The following ELP4 variants were observed in gnomAD, a reference collection of about 807,000 sequenced individuals.
ELP4 encodes elongator acetyltransferase complex subunit 4.
ELP4 carries 51 observed loss-of-function variants against 48.9 expected under a neutral mutation model. The observed-to-expected ratio is 1.04, with a 90% CI of 0.83 to 1.32. The LOEUF (loss-of-function observed/expected upper bound fraction) is 1.32, where lower values mean the gene tolerates loss of function less well. Ranked by LOEUF, ELP4 falls within the 40% of genes most tolerant of loss-of-function variation. ELP4 has a pLI of 0.00. For synonymous variants in ELP4, 210 were observed against 189.2 expected (o/e 1.11, Z -0.90); for missense variants, 519 against 514.6 (o/e 1.01, Z -0.08).
chr11:31,593,445 T>C (rs764489149), intron 3 of ELP4, among the ~76,000 whole-genome samples: 1 of 152,102 alleles, frequency 6.6e-6, no homozygotes, highest in Non-Finnish European at 1.5e-5. Context: ...AGTTTTGTCA[T>C]GTTGCCCAAA....
At chr11:31,608,192 A>C (rs1283983769) in intron 5 of ELP4, among the ~76,000 whole-genome samples, 1 of 151,954 alleles carries the variant, frequency 6.6e-6, no homozygotes, top group Non-Finnish European at 1.5e-5. Flanking sequence ...ATGGTAAAGA[A>C]AGCATCCTTT....
intron 7 of ELP4, among the ~76,000 whole-genome samples, chr11:31,643,945 T>C (rs1270399824): frequency 1.3e-5 from 2 of 151,872 alleles, no homozygotes; most frequent in Non-Finnish European, 2.9e-5. Context: ...AATTAAATTA[T>C]GTTGCAACAG....
At chr11:31,590,605 G>C (rs983685737) in intron 3 of ELP4, among the ~76,000 whole-genome samples, 1 of 152,138 alleles carries the variant, frequency 6.6e-6, no homozygotes, top group Non-Finnish European at 1.5e-5. Flanking sequence ...AGAAATGCCT[G>C]GGTAATTTAT....
intron 9 of ELP4, among the ~76,000 whole-genome samples, chr11:31,711,517 G>T (rs540456575): frequency 6.6e-6 from 1 of 152,120 alleles, no homozygotes; most frequent in Non-Finnish European, 1.5e-5. Flanking sequence ...TTAAGAAAAT[G>T]CCACCTTAAA....
rs752746233 is a variant in ELP4, at chr11:31,790,293, G to T, written c.*6769G>T. On this transcript the variant is annotated 3_prime_UTR_variant, in exon 10 of 10. Coordinates refer to ENST00000640961, the MANE Select transcript of ELP4 (RefSeq NM_019040.5). ...AAATCCTCTGTTTGTTTGCATGTTTGGAACTTTTACAATAAAGCTGTCTCT... is the reference window on the plus strand; with the variant it reads ...AAATCCTCTGTTTGTTTGCATGTTTTGAACTTTTACAATAAAGCTGTCTCT... The T allele has an allele frequency of 6.8e-6, 4 of 592,192 alleles. No individual in the cohort carries two copies. Among genetic ancestry groups the T allele is most frequent in the African/African-American group, 1.9e-5 (1 of 52,728 alleles). The allele number at this position is 592,192 out of a possible 1,614,324, so 36.7% of individuals were successfully genotyped here. A position where few individuals can be genotyped will look rare whatever the true frequency, so the allele number is the denominator to read the frequency against.
chr11:31,698,494 C>T (rs1946457241), intron 9 of ELP4, among the ~76,000 whole-genome samples: 1 of 152,100 alleles, frequency 6.6e-6, no homozygotes. Flanking sequence ...CTCACTGCAA[C>T]CTACATCTCC....
At chr11:31,777,628 G>C (rs4922879) in intron 9 of ELP4, among the ~76,000 whole-genome samples, 47,931 of 152,084 alleles carry the variant, frequency 0.32, 7,985 homozygotes, top group Non-Finnish European at 0.37. Flanking sequence ...CTTGCAGCTA[G>C]ATGTGGCCAT....
intron 3 of ELP4, among the ~76,000 whole-genome samples, chr11:31,553,158 G>T (rs778710729): frequency 6.6e-6 from 1 of 152,080 alleles, no homozygotes; most frequent in African/African-American, 2.4e-5. Context: ...TTAGTTCATT[G>T]TGTTTCTTCC....
intron 3 of ELP4, among the ~76,000 whole-genome samples, chr11:31,547,854 T>C (rs1305728494): frequency 6.6e-6 from 1 of 152,144 alleles, no homozygotes; most frequent in African/African-American, 2.4e-5. Context: ...ATAAATGTAA[T>C]CCAGCATATA....
intron 3 of ELP4, among the ~76,000 whole-genome samples, chr11:31,543,990 T>A (rs1317581706): frequency 6.6e-6 from 1 of 152,122 alleles, no homozygotes; most frequent in Non-Finnish European, 1.5e-5. Flanking sequence ...ATCAAAATAA[T>A]GCCAAATGTG....
chr11:31,782,266 G>A (rs1948394890), intron 9 of ELP4, among the ~76,000 whole-genome samples: 1 of 152,114 alleles, frequency 6.6e-6, no homozygotes, highest in South Asian at 2.1e-4. Context: ...TATGCTTGTG[G>A]ACCACAATAT....
intron 4 of ELP4, among the ~76,000 whole-genome samples, chr11:31,596,385 C>T (rs2133991765): frequency 6.6e-6 from 1 of 152,238 alleles, no homozygotes; most frequent in African/African-American, 2.4e-5. Context: ...GCCTGGGCGA[C>T]AGAGCAGGAC....
Position 31,706,848 on chromosome 11 carries a change from C to A in ELP4, c.1143+56627C>A, listed in dbSNP as rs1378175964. 1.3e-5 allele frequency: 5 copies of A among 389,892 alleles called. No individual in the cohort carries two copies. In the East Asian group the frequency reaches 1.8e-4, roughly 14 times the overall value. 24.2% of individuals were successfully genotyped at this position (389,892 alleles called of 1,614,324 possible). ...AACAGGTGGTGTTTAACTTTCTGTT[C>A]CTGGCTTATTTCACTTAATATAATG... On this transcript the variant is annotated intron_variant, in intron 9 of 9. Transcript: ENST00000640961.
At chr11:31,693,345 T>A (rs1032626566) in intron 9 of ELP4, among the ~76,000 whole-genome samples, 2 of 151,902 alleles carry the variant, frequency 1.3e-5, no homozygotes, top group African/African-American at 4.8e-5. Flanking sequence ...GTGTGTAATA[T>A]TCCCCTTCCT....
intron 7 of ELP4, chr11:31,646,352 C>T (rs979062152): frequency 6.6e-6 from 1 of 151,742 alleles, no homozygotes; most frequent in Non-Finnish European, 1.5e-5. Context: ...CTTTATATAA[C>T]ACACATTCCA....
intron 6 of ELP4, among the ~76,000 whole-genome samples, chr11:31,629,489 A>G (rs1198614276): frequency 6.6e-6 from 1 of 151,948 alleles, no homozygotes; most frequent in African/African-American, 2.4e-5. Context: ...TCACTTAAAT[A>G]TCTTATCTCT....
intron 3 of ELP4, among the ~76,000 whole-genome samples, chr11:31,577,513 A>T (rs1299390488): frequency 6.6e-6 from 1 of 152,028 alleles, no homozygotes; most frequent in African/African-American, 2.4e-5. Context: ...TTAGACCAAT[A>T]TCCCTGATGA....
At chr11:31,663,287 T>C (rs1328322986) in intron 9 of ELP4, 1 of 152,028 alleles carries the variant, frequency 6.6e-6, no homozygotes, top group Non-Finnish European at 1.5e-5. Context: ...AGTTTTGAAT[T>C]CTGAAATTAA....
At chr11:31,763,104 A>AAT (rs1947978480) in intron 9 of ELP4, among the ~76,000 whole-genome samples, 2 of 151,866 alleles carry the variant, frequency 1.3e-5, no homozygotes, top group Non-Finnish European at 2.9e-5. Flanking sequence ...AAAAAAAAAA[A>AAT]GCATATCATT....
Sources: allele counts gnomAD v4.1 joint callset (sites outside exome capture counted in the v4.1 genomes callset), GRCh38; gene constraint gnomAD v4.1.1; transcripts MANE v1.5; gene names NCBI Gene and HGNC (gene_info 2026-07-23, HGNC 2026-07-21).